The following WWC1 variants were observed in gnomAD, a reference collection of about 807,000 sequenced individuals.
WWC1 encodes protein KIBRA.
In WWC1, 55 loss-of-function variants were observed where a neutral mutation model predicts 138.4. That is an observed-to-expected ratio of 0.40 (90% confidence interval 0.32 to 0.50). WWC1 has a LOEUF of 0.50. Among genes scored for constraint, WWC1 ranks in the 20% least tolerant of loss-of-function variants. The pLI is 0.72. For missense variants in WWC1, 1,226 were observed against 1,420.4 expected, an observed-to-expected ratio of 0.86 and a Z score of 2.20; for synonymous variants, 524 against 564.9, an observed-to-expected ratio of 0.93 and a Z score of 1.03.
At chr5:168,382,281 T>G (rs969656938) in intron 2 of WWC1, among the ~76,000 whole-genome samples, 1 of 152,176 alleles carries the variant, frequency 6.6e-6, no homozygotes, top group African/African-American at 2.4e-5. Flanking sequence ...AGTAACCTTG[T>G]ATATATAGGC....
intron 3 of WWC1, among the ~76,000 whole-genome samples, chr5:168,391,747 T>A (rs1778519661): frequency 1.6e-5 from 2 of 128,092 alleles, no homozygotes; most frequent in Admixed American, 9.0e-5. Flanking sequence ...TCAGATAAAA[T>A]ATATTTTTAA....
intron 1 of WWC1, among the ~76,000 whole-genome samples, chr5:168,329,994 C>G (rs1253121675): frequency 6.6e-6 from 1 of 152,136 alleles, no homozygotes; most frequent in Non-Finnish European, 1.5e-5. Context: ...TATGTAGCCA[C>G]AGCTACTTGG....
intron 6 of WWC1, 91 bp from the exon 7 acceptor site, chr5:168,408,416 G>A: frequency 1.4e-6 from 2 of 1,466,640 alleles, no homozygotes; most frequent in Non-Finnish European, 1.9e-6. Flanking sequence ...CTAAATTAAG[G>A]GAGGGTAGAG....
At chr5:168,432,283 C>T (rs1344703916) in intron 15 of WWC1, among the ~76,000 whole-genome samples, 2 of 152,146 alleles carry the variant, frequency 1.3e-5, no homozygotes, top group East Asian at 1.9e-4. Flanking sequence ...GTCTGATCCA[C>T]AGTGGGTTCT....
intron 1 of WWC1, among the ~76,000 whole-genome samples, chr5:168,341,651 G>A (rs1774044904): frequency 6.6e-6 from 1 of 151,868 alleles, no homozygotes; most frequent in Admixed American, 6.6e-5. Flanking sequence ...CCTTTCAAAT[G>A]GGGGAGAATA....
intron 1 of WWC1, among the ~76,000 whole-genome samples, chr5:168,299,956 T>A (rs898473825): frequency 7.2e-5 from 11 of 152,132 alleles, no homozygotes; most frequent in Non-Finnish European, 1.0e-4. Context: ...CAAGGGGCCC[T>A]GGATAAGAGG....
chr5:168,357,097 C>G (rs924780245), intron 1 of WWC1, among the ~76,000 whole-genome samples: 2 of 152,072 alleles, frequency 1.3e-5, no homozygotes, highest in Non-Finnish European at 2.9e-5. Context: ...ACAAGTTTCT[C>G]TTTGTTGGGA....
chr5:168,408,106 G>T (rs1439114931), intron 6 of WWC1, among the ~76,000 whole-genome samples: 2 of 147,760 alleles, frequency 1.4e-5, no homozygotes, highest in African/African-American at 5.0e-5. Context: ...GGCCTCAAGT[G>T]ATCCTCCCAG....
intron 1 of WWC1, among the ~76,000 whole-genome samples, chr5:168,355,586 T>G (rs938848781): frequency 1.3e-5 from 2 of 150,434 alleles, no homozygotes; most frequent in Non-Finnish European, 2.9e-5. Context: ...CAGGTAACTG[T>G]CCCAGGCAGC....
At chr5:168,416,672 G>A (rs1173964224) in intron 9 of WWC1, 1 of 152,154 alleles carries the variant, frequency 6.6e-6, no homozygotes, top group African/African-American at 2.4e-5. Flanking sequence ...TTCACTCCTT[G>A]TTGGGTCAAA....
intron 1 of WWC1, among the ~76,000 whole-genome samples, chr5:168,331,492 A>G (rs990894185): frequency 1.3e-5 from 2 of 152,234 alleles, no homozygotes; most frequent in African/African-American, 2.4e-5. Context: ...TGCAACCCCA[A>G]GACAACTGAG....
At chr5:168,338,423 T>TGG (rs34581093) in intron 1 of WWC1, among the ~76,000 whole-genome samples, 12 of 148,962 alleles carry the variant, frequency 8.1e-5, no homozygotes, top group South Asian at 2.2e-4. Context: ...TCTTTTTTTT[T>TGG]GGGGGGGGAT....
chr5:168,377,530 A>G (rs1028661971), intron 2 of WWC1, among the ~76,000 whole-genome samples: 1 of 152,250 alleles, frequency 6.6e-6, no homozygotes, highest in Non-Finnish European at 1.5e-5. Flanking sequence ...TAAACTATGC[A>G]TCCAGTAAAG....
chr5:168,352,653 G>A lies in WWC1; in HGVS notation c.120-18771G>A, dbSNP rs916225939. ...GGCTGGAGTGCAGTAGCATGATCTC[G>A]GCTCGCTGCAACCTCTGCCTCCCAG... On this transcript the variant is annotated intron_variant, in intron 1 of 22. Coordinates refer to ENST00000265293, the MANE Select transcript of WWC1 (RefSeq NM_015238.3). Among the ~76,000 whole-genome samples the A allele has an allele frequency of 4.6e-5, 7 of 150,852 alleles. No individual in the cohort carries two copies. In the East Asian group the frequency reaches 9.7e-4, roughly 21 times the overall value.
At chr5:168,391,646 A>G (rs6870093) in intron 3 of WWC1, among the ~76,000 whole-genome samples, 88,816 of 135,718 alleles carry the variant, frequency 0.65, 30,046 homozygotes, top group African/African-American at 0.81. Flanking sequence ...GCAACAGAGC[A>G]ACACTCCGTC....
intron 1 of WWC1, among the ~76,000 whole-genome samples, chr5:168,336,756 A>G (rs1007536663): frequency 1.1e-4 from 17 of 152,068 alleles, no homozygotes; most frequent in African/African-American, 3.9e-4. Context: ...CTCACTGGGA[A>G]ATTCAGATAC....
chr5:168,423,808 G>A lies in WWC1; in HGVS notation c.1550G>A (p.Arg517His), dbSNP rs145963282. 5.8e-5 allele frequency: 93 copies of A among 1,614,104 alleles called. No homozygotes were observed. Among genetic ancestry groups the A allele is most frequent in the Middle Eastern group, 3.3e-4 (2 of 6,062 alleles). The change falls in exon 11 of 23, where the codon CGC becomes CAC. Residue 517 changes from arginine (R) to histidine (H), a missense_variant. This residue lies in a region of WWC1 where 1,016 missense variants were observed against 1,153.9 expected (regional missense o/e 0.88). Coordinates refer to ENST00000265293, the MANE Select transcript of WWC1 (RefSeq NM_015238.3). ...ACCCAGAAGGCAGAGGGAGGTGGCC[G>A]CCTGCAGGCTCTGCGTTCCCTGTCT... Reference protein sequence around the residue: ...AKTQKAEGGGRLQALRSLSGT... With the variant: ...AKTQKAEGGGHLQALRSLSGT...
chr5:168,448,641 C>T (rs1173833375), intron 17 of WWC1, among the ~76,000 whole-genome samples: 4 of 93,896 alleles, frequency 4.3e-5, no homozygotes, highest in African/African-American at 1.7e-4. Context: ...TTTTTTGAGA[C>T]GGAGTCTTGT....
chr5:168,341,473 C>T (rs1774029755), intron 1 of WWC1, among the ~76,000 whole-genome samples: 1 of 152,152 alleles, frequency 6.6e-6, no homozygotes, highest in Non-Finnish European at 1.5e-5. Context: ...AGAAAAATCT[C>T]TCCAGCCCCA....
Sources: allele counts gnomAD v4.1 joint callset (sites outside exome capture counted in the v4.1 genomes callset), GRCh38; gene constraint gnomAD v4.1.1; regional missense constraint gnomAD v4.1.1; transcripts MANE v1.5; gene names NCBI Gene and HGNC (gene_info 2026-07-23, HGNC 2026-07-21).